Variants in DNAL1 observed in about 807,000 individuals in gnomAD.
The protein encoded by DNAL1 is dynein axonemal light chain 1, also known as chromosome 14 open reading frame 168.
In DNAL1, 17 loss-of-function variants were observed where a neutral mutation model predicts 29.4. The ratio of observed to expected loss-of-function variants is 0.58; its 90% confidence interval spans 0.40 to 0.87. DNAL1 has a LOEUF of 0.87. DNAL1 is among the 40% of genes least tolerant of loss of function. The pLI is 0.00. For missense variants in DNAL1, 188 were observed against 214.1 expected, an observed-to-expected ratio of 0.88 and a Z score of 0.76; for synonymous variants, 78 against 76.3, an observed-to-expected ratio of 1.02 and a Z score of -0.12.
chr14:73,661,113 GAGATCAT>G (rs1891332699), intron 3 of DNAL1, among the ~76,000 whole-genome samples: 1 of 151,836 alleles, frequency 6.6e-6, no homozygotes, highest in Non-Finnish European at 1.5e-5. Flanking sequence ...GCAGTGAACT[GAGATCAT>G]GCCACTGCAC....
At chr14:73,692,726 AG>A (rs532789439) in intron 7 of DNAL1, among the ~76,000 whole-genome samples, 17 of 152,178 alleles carry the variant, frequency 1.1e-4, no homozygotes, top group Non-Finnish European at 2.4e-4. Flanking sequence ...AGCCCCTAGA[AG>A]AACACCTTAG....
At chr14:73,684,306 T>C (rs1050985026) in intron 5 of DNAL1, among the ~76,000 whole-genome samples, 1 of 152,234 alleles carries the variant, frequency 6.6e-6, no homozygotes, top group African/African-American at 2.4e-5. Context: ...TTCTTTTGGC[T>C]ATATACCCTG....
chr14:73,692,010 T>G (rs1892186434), intron 7 of DNAL1, among the ~76,000 whole-genome samples: 1 of 150,114 alleles, frequency 6.7e-6, no homozygotes, highest in South Asian at 2.1e-4. Flanking sequence ...TTTTTTTTTT[T>G]TTTTTGAGAC....
At chr14:73,675,331 G>A (rs1036461584) in intron 5 of DNAL1, among the ~76,000 whole-genome samples, 1 of 151,816 alleles carries the variant, frequency 6.6e-6, no homozygotes, top group Non-Finnish European at 1.5e-5. Flanking sequence ...ACAGCTCACT[G>A]TAATCTCGGA....
chr14:73,703,420 A>G lies in DNAL1; in HGVS notation c.*7478A>G, dbSNP rs1892483443. 2.0e-5 allele frequency: 3 copies of G among 152,236 alleles called. No individual in the cohort carries two copies. 9.4% of individuals were successfully genotyped at this position (152,236 alleles called of 1,614,324 possible). A position where few individuals can be genotyped will look rare whatever the true frequency, so the allele number is the denominator to read the frequency against. ...CATCCAGATGGCCTGAAGTAACTGA[A>G]GATCCACAAAAGAAGTAAAAATAGC... is the stretch of plus-strand genomic sequence containing the variant. On this transcript the variant is annotated 3_prime_UTR_variant, in exon 8 of 8. Transcript: ENST00000553645.
chr14:73,685,087 TTCC>T (rs1891985764), intron 5 of DNAL1, among the ~76,000 whole-genome samples: 1 of 152,146 alleles, frequency 6.6e-6, no homozygotes, highest in African/African-American at 2.4e-5. Context: ...CTTGTCCAAC[TTCC>T]TCATTTTTTC....
chr14:73,680,467 A>G (rs181750286), intron 5 of DNAL1, among the ~76,000 whole-genome samples: 1 of 152,322 alleles, frequency 6.6e-6, no homozygotes, highest in East Asian at 1.9e-4. Context: ...TTTAATTCCT[A>G]TAAGACCTTG....
chr14:73,674,862 A>T (rs1424472320), intron 5 of DNAL1, among the ~76,000 whole-genome samples: 1 of 150,918 alleles, frequency 6.6e-6, no homozygotes, highest in Non-Finnish European at 1.5e-5. Context: ...TGGAGTAACT[A>T]TTTTTTTGAG....
At position 73,703,371 on chromosome 14, in the gene DNAL1, C is replaced by G. The variant is rs1216447806; in HGVS notation, c.*7429C>G. 3 of 152,212 alleles carry G rather than the reference C, an allele frequency of 2.0e-5. No homozygotes were observed. Among genetic ancestry groups the G allele is most frequent in the Non-Finnish European group, 2.9e-5 (2 of 68,020 alleles). The allele number at this position is 152,212 out of a possible 1,614,324, so 9.4% of individuals were successfully genotyped here. A position where few individuals can be genotyped will look rare whatever the true frequency, so the allele number is the denominator to read the frequency against. On this transcript the variant is annotated 3_prime_UTR_variant, in exon 8 of 8. Coordinates refer to ENST00000553645, the MANE Select transcript of DNAL1 (RefSeq NM_031427.4). ...CCTCTGAGCCCAAGCTAAGCCATCG[C>G]ATCCCCTGTGACTTGCACGTATACA... is the stretch of plus-strand genomic sequence containing the variant.
chr14:73,695,843 A>T lies in DNAL1; in HGVS notation c.533-59A>T, dbSNP rs555955285. ...CGTGCCCGGCCAGGAAAATATTTTC[A>T]TCTAGAATTTTAGCAATTTTTTGAG... On this transcript the variant is annotated intron_variant, in intron 7 of 7. Transcript: ENST00000553645. 6 of 1,445,074 alleles carry T rather than the reference A, an allele frequency of 4.2e-6. No homozygotes were observed. The African/African-American group carries it at 8.5e-5, about 20-fold the overall frequency. The allele number at this position is 1,445,074 out of a possible 1,614,324, so 89.5% of individuals were successfully genotyped here.
At chr14:73,661,807 G>T (rs1891365103) in intron 3 of DNAL1, among the ~76,000 whole-genome samples, 180 bp from the exon 4 acceptor site, 1 of 152,114 alleles carries the variant, frequency 6.6e-6, no homozygotes, top group African/African-American at 2.4e-5. Flanking sequence ...AATTTTTAAT[G>T]AGTGTTAAAC....
chr14:73,646,913 C>G (rs1890988602), intron 1 of DNAL1, among the ~76,000 whole-genome samples: 1 of 152,102 alleles, frequency 6.6e-6, no homozygotes, highest in Non-Finnish European at 1.5e-5. Context: ...AGACCTGGGT[C>G]CCTCCAGAAA....
chr14:73,654,841 T>A lies in DNAL1; in HGVS notation c.4-6T>A. The A allele has an allele frequency of 6.6e-7, 1 of 1,513,990 alleles. No individual in the cohort carries two copies. Among genetic ancestry groups the A allele is most frequent in the Non-Finnish European group, 8.8e-7 (1 of 1,136,882 alleles). 93.8% of individuals were successfully genotyped at this position (1,513,990 alleles called of 1,614,324 possible). A position where few individuals can be genotyped will look rare whatever the true frequency, so the allele number is the denominator to read the frequency against. On this transcript the variant is annotated splice_polypyrimidine_tract_variant and splice_region_variant and intron_variant, in intron 1 of 7. Transcript: ENST00000553645. ...TTTCTTTTCTTTCTTTTTTTTTTTT[T>A]TAAAGGCGAAAGCAACAACAATCAA...
rs564468506 is a variant in DNAL1, at chr14:73,702,680, A to G, written c.*6738A>G. 1.3e-5 allele frequency: 2 copies of G among 152,212 alleles called. No individual in the cohort carries two copies. Among genetic ancestry groups the G allele is most frequent in the Non-Finnish European group, 2.9e-5 (2 of 68,044 alleles). 9.4% of individuals were successfully genotyped at this position (152,212 alleles called of 1,614,324 possible). ...AATTGAGAAAAAGGAATCACCAAGC[A>G]ATATCCGTAACATTACACATTTTGC... is the stretch of plus-strand genomic sequence containing the variant. On this transcript the variant is annotated 3_prime_UTR_variant, in exon 8 of 8. Coordinates refer to ENST00000553645, the MANE Select transcript of DNAL1 (RefSeq NM_031427.4).
At chr14:73,678,466 T>G (rs780733535) in intron 5 of DNAL1, among the ~76,000 whole-genome samples, 1 of 151,770 alleles carries the variant, frequency 6.6e-6, no homozygotes, top group Non-Finnish European at 1.5e-5. Flanking sequence ...ATAAAGAAAC[T>G]GAGGCTCAGT....
chr14:73,680,005 G>T (rs188178865), intron 5 of DNAL1, among the ~76,000 whole-genome samples: 1 of 151,650 alleles, frequency 6.6e-6, no homozygotes, highest in Non-Finnish European at 1.5e-5. Flanking sequence ...GTTTCTTTCT[G>T]TTTGTTGTTC....
rs1892366209 is a variant in DNAL1 at position 73,698,952 on chromosome 14, G to A, written c.*3010G>A. On this transcript the variant is annotated 3_prime_UTR_variant, in exon 8 of 8. Coordinates refer to ENST00000553645, the MANE Select transcript of DNAL1 (RefSeq NM_031427.4). ...AAGAATTTGTTCCTTTAAACCAGAG[G>A]ATCAACCTTGGAACTATTAACATTT... 1 of 152,144 alleles carries A rather than the reference G, an allele frequency of 6.6e-6. No individual in the cohort carries two copies. Among genetic ancestry groups the A allele is most frequent in the Admixed American group, 6.5e-5 (1 of 15,278 alleles). The allele number at this position is 152,144 out of a possible 1,614,324, so 9.4% of individuals were successfully genotyped here.
intron 3 of DNAL1, among the ~76,000 whole-genome samples, chr14:73,661,315 T>C (rs1891351436): frequency 6.6e-6 from 1 of 152,202 alleles, no homozygotes; most frequent in Admixed American, 6.6e-5. Flanking sequence ...TGTTTATAGA[T>C]TTTTTCAATT....
intron 4 of DNAL1, among the ~76,000 whole-genome samples, chr14:73,669,768 C>A (rs1012205328): frequency 2.6e-5 from 4 of 151,990 alleles, no homozygotes; most frequent in Non-Finnish European, 5.9e-5. Flanking sequence ...AAATGCAGTC[C>A]TATTCTGATA....
Sources: allele counts gnomAD v4.1 joint callset (sites outside exome capture counted in the v4.1 genomes callset), GRCh38; gene constraint gnomAD v4.1.1; transcripts MANE v1.5; gene names NCBI Gene and HGNC (gene_info 2026-07-23, HGNC 2026-07-21).